Variants in NBEA observed in about 807,000 individuals in gnomAD.
NBEA encodes the protein lysosomal-trafficking regulator 2.
In NBEA, 44 loss-of-function variants were observed where a neutral mutation model predicts 343.4. That is an observed-to-expected ratio of 0.13 (90% confidence interval 0.10 to 0.16). The LOEUF (loss-of-function observed/expected upper bound fraction) is 0.16, where lower values mean the gene tolerates loss of function less well. Among genes scored for constraint, NBEA ranks in the 10% least tolerant of loss-of-function variants. The pLI, the probability that NBEA is intolerant of heterozygous loss-of-function variation, is 1.00. For missense variants in NBEA, 2,555 were observed against 3,631.3 expected, an observed-to-expected ratio of 0.70 and a Z score of 7.62; for synonymous variants, 1,175 against 1,238.7, an observed-to-expected ratio of 0.95 and a Z score of 1.08.
At chr13:35,529,620 G>A (rs767274775) in intron 41 of NBEA, among the ~76,000 whole-genome samples, 3 of 152,196 alleles carry the variant, frequency 2.0e-5, no homozygotes, top group Non-Finnish European at 2.9e-5. Context: ...GAGTCATACT[G>A]TGACATATCT....
intron 36 of NBEA, among the ~76,000 whole-genome samples, chr13:35,335,866 A>G (rs1240207432): frequency 6.6e-6 from 1 of 152,116 alleles, no homozygotes; most frequent in Non-Finnish European, 1.5e-5. Flanking sequence ...GGCTATTCGC[A>G]TGCCGGGGGC....
chr13:35,086,522 C>G (rs1219968919), intron 10 of NBEA, among the ~76,000 whole-genome samples: 1 of 151,880 alleles, frequency 6.6e-6, no homozygotes, highest in Non-Finnish European at 1.5e-5. Flanking sequence ...GTTTTAGTGC[C>G]CACATATGAG....
intron 1 of NBEA, among the ~76,000 whole-genome samples, chr13:35,007,312 A>G (rs1164674536): frequency 6.6e-6 from 1 of 152,022 alleles, no homozygotes; most frequent in Non-Finnish European, 1.5e-5. Flanking sequence ...TGTCCTTACT[A>G]TGTCCATATG....
Position 34,967,427 on chromosome 13 carries a change from G to A in NBEA, c.294+24313G>A, listed in dbSNP as rs549648305. 5.3e-5 allele frequency among the ~76,000 whole-genome samples: 8 copies of A among 151,594 alleles called. No homozygotes were observed. In the South Asian group the frequency reaches 1.7e-3, roughly 32 times the overall value. On this transcript the variant is annotated intron_variant, in intron 1 of 58. Coordinates refer to ENST00000379939, the MANE Select transcript of NBEA (RefSeq NM_001385012.1). ...GCACTGCAATAGAAACATACTTTAA[G>A]AAGCCTCTTTTTGGAATAGATGTTT...
chr13:35,027,655 C>G (rs1017601006), intron 1 of NBEA, among the ~76,000 whole-genome samples: 1 of 151,824 alleles, frequency 6.6e-6, no homozygotes, highest in Non-Finnish European at 1.5e-5. Context: ...TTAACATGAT[C>G]TTTCTCAGAG....
rs549764914 is a variant in NBEA at position 35,613,616 on chromosome 13, G to T, written c.7449+7038G>T. Among the ~76,000 whole-genome samples, 352 of 151,614 alleles carry T rather than the reference G, an allele frequency of 2.3e-3. 2 individuals are homozygous for T. Among genetic ancestry groups the T allele is most frequent in the African/African-American group, 8.2e-3 (339 of 41,328 alleles). On this transcript the variant is annotated intron_variant, in intron 48 of 58. Coordinates refer to ENST00000379939, the MANE Select transcript of NBEA (RefSeq NM_001385012.1). ...ATTCTATTTTTAGTTGTTTTTGTTT[G>T]TTTGTTTGTTTGTTTGTTTGTTTTG...
chr13:35,575,070 A>G (rs77499353), intron 45 of NBEA, among the ~76,000 whole-genome samples: 4,640 of 152,278 alleles, frequency 0.03, 239 homozygotes, highest in African/African-American at 0.1. Flanking sequence ...TCAAATTGCA[A>G]CTTTAGATCA....
In NBEA at chr13:35,118,446, C is replaced by T. The variant is rs2152670255; in HGVS notation, c.2215C>T (p.Pro739Ser). 1 of 1,603,522 alleles carries T rather than the reference C, an allele frequency of 6.2e-7. No individual in the cohort carries two copies. The highest frequency in any genetic ancestry group is 8.5e-7 in the Non-Finnish European group (1 of 1,175,102). The change falls in exon 16 of 59, where the codon CCA becomes TCA. Residue 739 changes from proline (P) to serine (S), a missense_variant. Pro to Ser is a moderately conservative substitution (Grantham distance 74). Coordinates refer to ENST00000379939, the MANE Select transcript of NBEA (RefSeq NM_001385012.1). ...GTCGGAACACCCAGCCTCAATGATA[C>T]CAGCATTTGATCAAAGAAATGGAAT... is the stretch of plus-strand genomic sequence containing the variant. ...LMSEHPASMI[P>S]AFDQRNGIRV...
intron 26 of NBEA, among the ~76,000 whole-genome samples, chr13:35,171,782 A>G (rs746289851): frequency 2.0e-5 from 3 of 152,204 alleles, no homozygotes; most frequent in Admixed American, 1.3e-4. Flanking sequence ...TATGAATCCA[A>G]TTTTGGTAAA....
chr13:35,480,011 A>G (rs1047271428), intron 41 of NBEA, among the ~76,000 whole-genome samples: 3 of 147,402 alleles, frequency 2.0e-5, no homozygotes, highest in East Asian at 4.0e-4. Context: ...TTTACATTGC[A>G]TTTACTTAGT....
chr13:35,009,838 G>T (rs2061426429), intron 1 of NBEA, among the ~76,000 whole-genome samples: 1 of 152,182 alleles, frequency 6.6e-6, no homozygotes, highest in Non-Finnish European at 1.5e-5. Context: ...CAAGTAGAAA[G>T]AACTGACCAG....
chr13:35,368,951 C>A (rs2041274960), intron 38 of NBEA, among the ~76,000 whole-genome samples: 1 of 151,656 alleles, frequency 6.6e-6, no homozygotes, highest in Non-Finnish European at 1.5e-5. Flanking sequence ...TCTATTCTAG[C>A]CTCTGACCAA....
chr13:35,248,470 G>T lies in NBEA; in HGVS notation c.5776+15851G>T, dbSNP rs371274952. Among the ~76,000 whole-genome samples the T allele has an allele frequency of 7.9e-5, 12 of 152,162 alleles. No homozygotes were observed. In the East Asian group the frequency reaches 1.7e-3, roughly 22 times the overall value. ...ACAATCTTAAGAAAGAACAAAGCTG[G>T]GGGACTCACAGGACCGATTTTAAAA... On this transcript the variant is annotated intron_variant, in intron 34 of 58. Coordinates refer to ENST00000379939, the MANE Select transcript of NBEA (RefSeq NM_001385012.1).
At chr13:35,252,337 C>T (rs1466917271) in intron 34 of NBEA, among the ~76,000 whole-genome samples, 1 of 152,194 alleles carries the variant, frequency 6.6e-6, no homozygotes, top group Non-Finnish European at 1.5e-5. Flanking sequence ...TCAGCTCTGC[C>T]AGGTCCCTCT....
intron 16 of NBEA, among the ~76,000 whole-genome samples, chr13:35,123,212 T>C (rs545170749): frequency 6.6e-6 from 1 of 152,334 alleles, no homozygotes; most frequent in South Asian, 2.1e-4. Flanking sequence ...AGAGAAGACA[T>C]GTGGCCTAAC....
intron 38 of NBEA, among the ~76,000 whole-genome samples, chr13:35,411,207 T>G (rs1450185193): frequency 6.6e-6 from 1 of 152,172 alleles, no homozygotes; most frequent in Admixed American, 6.6e-5. Context: ...AAATTTCTGT[T>G]GAAAGCTCTG....
Position 35,058,571 on chromosome 13 carries a change from A to T in NBEA, c.1093-146A>T. 7 of 680,008 alleles carry T rather than the reference A, an allele frequency of 1.0e-5. 1 individual carries two copies. The highest frequency in any genetic ancestry group is 1.4e-5 in the Non-Finnish European group (6 of 414,900). The allele number at this position is 680,008 out of a possible 1,614,324, so 42.1% of individuals were successfully genotyped here. ...CCAAAAAACTTGACTGGCATTTATT[A>T]TTAAAATAATAAAGTCTTAATTGAT... On this transcript the variant is annotated intron_variant, in intron 7 of 58. Coordinates refer to ENST00000379939, the MANE Select transcript of NBEA (RefSeq NM_001385012.1).
At position 35,397,421 on chromosome 13, in the gene NBEA, G is replaced by A. The variant is rs148427616; in HGVS notation, c.6180-34848G>A. Among the ~76,000 whole-genome samples the A allele has an allele frequency of 5.7e-4, 87 of 152,230 alleles. 1 individual carries two copies. The highest frequency in any genetic ancestry group is 2.0e-3 in the African/African-American group (83 of 41,562). ...TAGTCCATCTCTATCTCATGACTAAGCTTTATTCTATTCATAATACTTAAC... is the reference window on the plus strand; with the variant it reads ...TAGTCCATCTCTATCTCATGACTAAACTTTATTCTATTCATAATACTTAAC... On this transcript the variant is annotated intron_variant, in intron 38 of 58. Coordinates refer to ENST00000379939, the MANE Select transcript of NBEA (RefSeq NM_001385012.1).
chr13:35,436,579 G>A lies in NBEA; in HGVS notation c.6304+4186G>A, dbSNP rs542229209. On this transcript the variant is annotated intron_variant, in intron 39 of 58. Coordinates refer to ENST00000379939, the MANE Select transcript of NBEA (RefSeq NM_001385012.1). ...CAAAAAATTAGCCAGGCATGGTGGC[G>A]GGCACCTGTAGTCCCAGCTACTCGG... 6.0e-4 allele frequency among the ~76,000 whole-genome samples: 91 copies of A among 151,946 alleles called. 2 individuals are homozygous for A. Among genetic ancestry groups the A allele is most frequent in the Non-Finnish European group, 5.2e-4 (35 of 67,918 alleles).
Sources: allele counts gnomAD v4.1 joint callset (sites outside exome capture counted in the v4.1 genomes callset), GRCh38; gene constraint gnomAD v4.1.1; transcripts MANE v1.5; gene names NCBI Gene and HGNC (gene_info 2026-07-23, HGNC 2026-07-21).